The following PAM variants were observed in gnomAD, a reference collection of about 807,000 sequenced individuals.
The protein encoded by PAM is peptidylglycine alpha-amidating monooxygenase.
A neutral mutation model predicts 122.1 loss-of-function variants in PAM; 72 were observed. That is an observed-to-expected ratio of 0.59 (90% confidence interval 0.49 to 0.72). PAM has a LOEUF of 0.72. Among genes scored for constraint, PAM ranks in the 30% least tolerant of loss-of-function variants. The probability of loss-of-function intolerance (pLI) is 0.00; values close to 1 mark genes in which losing one functional copy is unlikely to be tolerated. For missense variants in PAM, 1,106 were observed against 1,183.7 expected (o/e 0.93, Z 0.96); for synonymous variants, 389 against 404.4 (o/e 0.96, Z 0.46).
intron 15 of PAM, among the ~76,000 whole-genome samples, chr5:102,988,708 A>G (rs1275855614): frequency 1.4e-5 from 2 of 146,156 alleles, no homozygotes; most frequent in African/African-American, 5.2e-5. Flanking sequence ...AGAGAAAGAG[A>G]AAGAAAGAAA....
rs199721256 is a variant in PAM at position 102,986,990 on chromosome 5, CA to C, written c.1484-3281del. Among the ~76,000 whole-genome samples, 783 of 152,236 alleles carry C rather than the reference CA, an allele frequency of 5.1e-3. 19 individuals are homozygous for C. The highest frequency in any genetic ancestry group is 0.05 in the East Asian group (258 of 5,176). On this transcript the variant is annotated intron_variant, in intron 15 of 25. Transcript: ENST00000438793. ...TACCCAGTCTCAGGTATGTCTTTAT[CA>C]GCAGTGTGAAAACAGATTAATACAA... is the stretch of plus-strand genomic sequence containing the variant.
In PAM at chr5:103,025,261, T is replaced by G; in HGVS notation, c.2616T>G (p.Leu872=). The change falls in exon 24 of 26, where the codon CTT becomes CTG. Residue 872 remains leucine (L), a synonymous_variant. Coordinates refer to ENST00000438793, the MANE Select transcript of PAM (RefSeq NM_001177306.2). The part of the protein sequence containing the change: ...SGVPVVLITT[L]LVIPVVVLLA... Reference sequence around the variant, plus strand: ...TGCCTGTTGTTCTCATTACAACCCTTCTGGTTATTCCGGTGGTTGTCCTGC... The same window carrying G: ...TGCCTGTTGTTCTCATTACAACCCTGCTGGTTATTCCGGTGGTTGTCCTGC... 6.2e-7 allele frequency: 1 copy of G among 1,613,764 alleles called. No individual in the cohort carries two copies. Among genetic ancestry groups the G allele is most frequent in the South Asian group, 1.1e-5 (1 of 91,062 alleles).
intron 1 of PAM, among the ~76,000 whole-genome samples, chr5:102,807,665 C>T (rs1766596950): frequency 1.3e-5 from 2 of 152,112 alleles, no homozygotes; most frequent in Non-Finnish European, 2.9e-5. Context: ...GTAAGCTGAC[C>T]TCCAAAGGCA....
intron 15 of PAM, among the ~76,000 whole-genome samples, chr5:102,977,963 T>C (rs2150518231): frequency 6.6e-6 from 1 of 152,272 alleles, no homozygotes; most frequent in East Asian, 1.9e-4. Context: ...ATATTATACA[T>C]GCAAAGTGCT....
chr5:102,906,740 G>A (rs1799668470), intron 4 of PAM, among the ~76,000 whole-genome samples: 1 of 151,686 alleles, frequency 6.6e-6, no homozygotes, highest in African/African-American at 2.4e-5. Flanking sequence ...AAGTGAGGGA[G>A]TTGCCTAATG....
At position 102,782,703 on chromosome 5, in the gene PAM, TTCTC is replaced by T. The variant is rs370769198; in HGVS notation, c.-374+27375_-374+27378del. On this transcript the variant is annotated intron_variant, in intron 1 of 25. Transcript: ENST00000438793. ...GCACTTGCTCCCTTCCTTTCTCCAT[TTCTC>T]TCTCTCTCTCTCTCTCTCTGTGTGT... Among the ~76,000 whole-genome samples the T allele has an allele frequency of 3.8e-3, 540 of 142,860 alleles. 5 individuals carry two copies. Among genetic ancestry groups the T allele is most frequent in the African/African-American group, 9.1e-3 (340 of 37,486 alleles). The allele number at this position is 142,860 out of a possible 152,430, so 93.7% of individuals were successfully genotyped here.
chr5:102,815,129 TC>T (rs1769355324), intron 1 of PAM, among the ~76,000 whole-genome samples: 1 of 151,980 alleles, frequency 6.6e-6, no homozygotes, highest in African/African-American at 2.4e-5. Flanking sequence ...CACACTGGGG[TC>T]TCCCCGTCAT....
At chr5:102,834,748 G>A (rs1347849631) in intron 1 of PAM, among the ~76,000 whole-genome samples, 3 of 152,158 alleles carry the variant, frequency 2.0e-5, no homozygotes, top group Non-Finnish European at 4.4e-5. Flanking sequence ...ATTGTGCTGG[G>A]AGAACTACCA....
intron 1 of PAM, among the ~76,000 whole-genome samples, chr5:102,853,850 C>T (rs148431628): frequency 2.0e-5 from 3 of 152,134 alleles, no homozygotes; most frequent in Admixed American, 6.5e-5. Context: ...GAGCATTGTG[C>T]GATGTGAAAC....
intron 7 of PAM, among the ~76,000 whole-genome samples, chr5:102,933,825 CTG>C (rs923385956): frequency 1.2e-4 from 19 of 152,210 alleles, no homozygotes; most frequent in Admixed American, 5.2e-4. Context: ...GGCAAGGTAA[CTG>C]TGCTTAAAAT....
Position 102,774,172 on chromosome 5 carries a change from G to A in PAM, c.-374+18824G>A, listed in dbSNP as rs990938008. On this transcript the variant is annotated intron_variant, in intron 1 of 25. Coordinates refer to ENST00000438793, the MANE Select transcript of PAM (RefSeq NM_001177306.2). Reference sequence around the variant, plus strand: ...TATTGTGAATAGCGCTGCAGTGAACGTTGATGTGCATGTGTCTTTATGATA... The same window carrying A: ...TATTGTGAATAGCGCTGCAGTGAACATTGATGTGCATGTGTCTTTATGATA... 4.6e-5 allele frequency among the ~76,000 whole-genome samples: 7 copies of A among 152,038 alleles called. No homozygotes were observed. In the South Asian group the frequency reaches 1.4e-3, roughly 31 times the overall value.
At chr5:102,966,410 C>T (rs890451791) in intron 14 of PAM, among the ~76,000 whole-genome samples, 11 of 151,946 alleles carry the variant, frequency 7.2e-5, no homozygotes, top group Admixed American at 4.6e-4. Context: ...ATATTTGTCT[C>T]GTTTTCTTAA....
At chr5:102,986,289 G>A (rs939884652) in intron 15 of PAM, among the ~76,000 whole-genome samples, 2 of 152,100 alleles carry the variant, frequency 1.3e-5, no homozygotes, top group Admixed American at 6.6e-5. Context: ...GAGGAAGTCA[G>A]ATTAGTCCCT....
At chr5:102,758,062 C>T (rs1402457220) in intron 1 of PAM, among the ~76,000 whole-genome samples, 1 of 72,710 alleles carries the variant, frequency 1.4e-5, no homozygotes. Flanking sequence ...AAAAAAAAGA[C>T]TTAGAATTTT....
chr5:102,854,809 A>T (rs1782201932), intron 1 of PAM, among the ~76,000 whole-genome samples: 1 of 152,222 alleles, frequency 6.6e-6, no homozygotes, highest in South Asian at 2.1e-4. Flanking sequence ...AAAGAATTCT[A>T]ACAAACATAA....
At chr5:102,834,820 G>A (rs1334117034) in intron 1 of PAM, among the ~76,000 whole-genome samples, 3 of 152,136 alleles carry the variant, frequency 2.0e-5, no homozygotes, top group African/African-American at 7.2e-5. Flanking sequence ...GGTAGGTTCT[G>A]TAGGGCCTTT....
chr5:102,946,995 G>T, intron 8 of PAM, 110 bp downstream of exon 8: 1 of 741,460 alleles, frequency 1.3e-6, no homozygotes. Context: ...ACCTAAACTG[G>T]GTTAAAACAA....
chr5:102,834,362 T>C (rs1776318028), intron 1 of PAM, among the ~76,000 whole-genome samples: 2 of 152,336 alleles, frequency 1.3e-5, no homozygotes, highest in South Asian at 4.1e-4. Flanking sequence ...TTTTTGTTTA[T>C]GATCTTCTAT....
intron 16 of PAM, among the ~76,000 whole-genome samples, chr5:102,996,419 C>T (rs761454184): frequency 3.9e-5 from 6 of 152,200 alleles, no homozygotes; most frequent in Non-Finnish European, 7.3e-5. Flanking sequence ...GCTATAGCAA[C>T]GGTGTATCCA....
Sources: allele counts gnomAD v4.1 joint callset (sites outside exome capture counted in the v4.1 genomes callset), GRCh38; gene constraint gnomAD v4.1.1; transcripts MANE v1.5; gene names NCBI Gene and HGNC (gene_info 2026-07-23, HGNC 2026-07-21).